The following SMARCC1 variants were observed in gnomAD, a reference collection of about 807,000 sequenced individuals.
SMARCC1 encodes the protein SWI/SNF complex subunit SMARCC1.
A neutral mutation model predicts 147.4 loss-of-function variants in SMARCC1; 43 were observed. The observed-to-expected ratio is 0.29, with a 90% confidence interval of 0.23 to 0.38. The LOEUF (loss-of-function observed/expected upper bound fraction) is 0.38, where lower values mean the gene tolerates loss of function less well. Ranked by LOEUF, SMARCC1 falls within the 10% of genes least tolerant of loss-of-function variation. The pLI, the probability that SMARCC1 is intolerant of heterozygous loss-of-function variation, is 1.00. For synonymous variants in SMARCC1, 495 were observed against 484.4 expected (o/e 1.02, Z -0.29); for missense variants, 1,119 against 1,381.1 (o/e 0.81, Z 3.01).
chr3:47,603,905 C>A (rs1036421414), intron 26 of SMARCC1: 12 of 399,238 alleles, frequency 3.0e-5, no homozygotes, highest in African/African-American at 2.3e-4. Context: ...GAGACAGGAA[C>A]AAAATCTACC....
chr3:47,685,625 T>A (rs1043944425), intron 14 of SMARCC1, among the ~76,000 whole-genome samples: 6 of 150,486 alleles, frequency 4.0e-5, no homozygotes, highest in South Asian at 2.1e-4. Context: ...TTTGGGAGGC[T>A]GAAGCAGGTG....
chr3:47,683,863 C>A (rs986383168), intron 14 of SMARCC1, among the ~76,000 whole-genome samples: 3 of 152,052 alleles, frequency 2.0e-5, no homozygotes, highest in African/African-American at 7.2e-5. Flanking sequence ...TTTAAAAAAA[C>A]AACAACAACA....
chr3:47,590,672 G>T lies in SMARCC1; in HGVS notation c.3209C>A (p.Pro1070His), dbSNP rs770028624. The change falls in exon 27 of 28, where the codon CCT (proline) becomes CAT (histidine). Residue 1070 changes from proline to histidine, a missense_variant. Physicochemically the swap from Pro to His is moderately conservative, Grantham distance 77. Coordinates refer to ENST00000254480, the MANE Select transcript of SMARCC1 (RefSeq NM_003074.4). ...TCCATGTTACTTACACATGCCGTTA[G>T]GTGCTGTCAGGGGTACCCGGGGTCC... ...ILGPRVPLTA[P>H]NGMYPPPPQQ... 6.5e-7 allele frequency: 1 copy of T among 1,543,798 alleles called. No homozygotes were observed. The highest frequency in any genetic ancestry group is 8.7e-7 in the Non-Finnish European group (1 of 1,151,284).
At chr3:47,602,104 G>A (rs1189957795) in intron 26 of SMARCC1, among the ~76,000 whole-genome samples, 1 of 152,100 alleles carries the variant, frequency 6.6e-6, no homozygotes, top group Non-Finnish European at 1.5e-5. Flanking sequence ...ATGAGGTAGG[G>A]TTGTGTAAGT....
chr3:47,766,056 G>A (rs758788810), intron 2 of SMARCC1, among the ~76,000 whole-genome samples: 5 of 152,134 alleles, frequency 3.3e-5, no homozygotes, highest in Admixed American at 1.3e-4. Context: ...TAAGTGCAAT[G>A]ACAGGTTTAC....
chr3:47,765,148 G>A (rs2034821445), intron 2 of SMARCC1, among the ~76,000 whole-genome samples: 1 of 152,180 alleles, frequency 6.6e-6, no homozygotes, highest in Admixed American at 6.6e-5. Context: ...CTAGTCAGGA[G>A]GCTGAAGCAA....
intron 9 of SMARCC1, among the ~76,000 whole-genome samples, chr3:47,709,538 T>C (rs1324669993): frequency 6.6e-6 from 1 of 151,522 alleles, no homozygotes; most frequent in African/African-American, 2.4e-5. Flanking sequence ...ATACAAAAAT[T>C]AGCCAGATGT....
At chr3:47,669,781 C>G (rs1018122034) in intron 19 of SMARCC1, among the ~76,000 whole-genome samples, 1 of 152,156 alleles carries the variant, frequency 6.6e-6, no homozygotes, top group African/African-American at 2.4e-5. Flanking sequence ...ACCAATGATA[C>G]TTCTACAGTA....
At chr3:47,743,604 G>A (rs1295564200) in intron 3 of SMARCC1, among the ~76,000 whole-genome samples, 1 of 151,938 alleles carries the variant, frequency 6.6e-6, no homozygotes, top group African/African-American at 2.4e-5. Context: ...ACCTGAGTCA[G>A]GAGTTCAAGA....
At chr3:47,659,760 A>AGG (rs71619691) in intron 21 of SMARCC1, among the ~76,000 whole-genome samples, 15,051 of 47,258 alleles carry the variant, frequency 0.32, 3,355 homozygotes, top group Non-Finnish European at 0.38. Flanking sequence ...GAAAAAAAAA[A>AGG]GGGGGGGGGG....
intron 2 of SMARCC1, among the ~76,000 whole-genome samples, chr3:47,761,859 A>C (rs2034778451): frequency 6.6e-6 from 1 of 152,120 alleles, no homozygotes; most frequent in Non-Finnish European, 1.5e-5. Context: ...CCCAGGCTGG[A>C]GTGCAGTGGC....
chr3:47,659,282 T>TAAAAAAAAAAA (rs541415627), intron 21 of SMARCC1, among the ~76,000 whole-genome samples: 3 of 123,276 alleles, frequency 2.4e-5, no homozygotes, highest in South Asian at 2.4e-4. Context: ...AAATAAAAAA[T>TAAAAAAAAAAA]AAAAAAAAAA....
intron 26 of SMARCC1, among the ~76,000 whole-genome samples, chr3:47,602,295 A>G (rs545211256): frequency 1.1e-4 from 17 of 152,090 alleles, no homozygotes; most frequent in African/African-American, 4.1e-4. Context: ...CTGTCTCAAA[A>G]AAAAGTTCCA....
At chr3:47,610,388 A>C in intron 25 of SMARCC1, 61 bp from the exon 26 acceptor site, 6 of 1,566,836 alleles carry the variant, frequency 3.8e-6, no homozygotes, top group Non-Finnish European at 4.4e-6. Context: ...ATTGGATAAC[A>C]CAAAGGACAA....
chr3:47,657,849 T>A (rs2033284741), intron 21 of SMARCC1, among the ~76,000 whole-genome samples: 1 of 150,882 alleles, frequency 6.6e-6, no homozygotes, highest in Admixed American at 6.6e-5. Context: ...TTGAGAAGAA[T>A]GGAAACATAA....
chr3:47,662,268 T>C (rs2033356475), intron 20 of SMARCC1, 66 bp downstream of exon 20: 2 of 1,307,606 alleles, frequency 1.5e-6, no homozygotes, highest in Non-Finnish European at 2.2e-6. Flanking sequence ...ATGTAACGGC[T>C]GGTAATATTT....
At chr3:47,704,632 A>C (rs1265066222) in intron 10 of SMARCC1, among the ~76,000 whole-genome samples, 1 of 152,196 alleles carries the variant, frequency 6.6e-6, no homozygotes, top group Non-Finnish European at 1.5e-5. Context: ...AATGTAAGAA[A>C]CAGGCCAGGT....
At chr3:47,691,559 A>T (rs1382631831) in intron 12 of SMARCC1, among the ~76,000 whole-genome samples, 1 of 152,012 alleles carries the variant, frequency 6.6e-6, no homozygotes, top group African/African-American at 2.4e-5. Context: ...GGTTGCAGTG[A>T]GCCAAGATCA....
intron 2 of SMARCC1, among the ~76,000 whole-genome samples, chr3:47,758,059 T>TA (rs2034722887): frequency 1.3e-5 from 2 of 151,978 alleles, no homozygotes; most frequent in Non-Finnish European, 2.9e-5. Flanking sequence ...GCAAAATGAA[T>TA]AAAAAAAATT....
Sources: allele counts gnomAD v4.1 joint callset (sites outside exome capture counted in the v4.1 genomes callset), GRCh38; gene constraint gnomAD v4.1.1; transcripts MANE v1.5; gene names NCBI Gene and HGNC (gene_info 2026-07-23, HGNC 2026-07-21).